Variants in WRNIP1 observed in about 807,000 individuals in gnomAD.
WRNIP1 encodes the protein WRN helicase interacting protein 1.
A neutral mutation model predicts 56.1 loss-of-function variants in WRNIP1; 41 were observed. That is an observed-to-expected ratio of 0.73 (90% CI 0.57 to 0.95). WRNIP1 has a LOEUF of 0.95. Among genes scored for constraint, WRNIP1 ranks in the 40% least tolerant of loss-of-function variants. The probability of loss-of-function intolerance (pLI) is 0.00; values close to 1 mark genes in which losing one functional copy is unlikely to be tolerated. For synonymous variants in WRNIP1, 547 were observed against 398.1 expected (o/e 1.37, Z -4.45); for missense variants, 1,170 against 939.4 (o/e 1.25, Z -3.21).
At chr6:2,784,225 C>T in intron 5 of WRNIP1, 99 bp from the exon 6 acceptor site, 1 of 1,112,618 alleles carries the variant, frequency 9.0e-7, no homozygotes, top group Non-Finnish European at 1.3e-6. Context: ...TTTTGGTCAC[C>T]AAGTGTACAA....
rs1324449594 is a variant in WRNIP1, at chr6:2,765,917, G to C, written c.295G>C (p.Gly99Arg). ...GAGCAGCGAGGGCGAGGGTGAGGAG[G>C]GCGACGACGGCGGCGAGACCGAGAG... ...AESSEGEGEE[G>R]DDGGETESRE... Residue 99 changes from glycine to arginine, a missense_variant, in exon 1 of 7, where the codon GGC becomes CGC. Transcript: ENST00000380773. 6.9e-7 allele frequency: 1 copy of C among 1,453,990 alleles called. No individual in the cohort carries two copies. The highest frequency in any genetic ancestry group is 1.5e-5 in the African/African-American group (1 of 68,074). The allele number at this position is 1,453,990 out of a possible 1,614,324, so 90.1% of individuals were successfully genotyped here. A position where few individuals can be genotyped will look rare whatever the true frequency, so the allele number is the denominator to read the frequency against.
rs373348422 is a variant in WRNIP1 at position 2,783,426 on chromosome 6, A to C, written c.1507A>C (p.Ile503Leu). The change falls in exon 5 of 7, where the codon ATC becomes CTC. Residue 503 changes from isoleucine (I) to leucine (L), a missense_variant. Transcript: ENST00000380773. ...GTCAGGTGAGGAGCATTACAACTGC[A>C]TCTCCGCCCTGCACAAGTCCATGCG... The part of the protein sequence containing the change: ...DRAGEEHYNC[I>L]SALHKSMRGS... The C allele has an allele frequency of 1.1e-5, 18 of 1,606,408 alleles. No homozygotes were observed. The highest frequency in any genetic ancestry group is 1.5e-5 in the Non-Finnish European group (18 of 1,175,496).
intron 4 of WRNIP1, among the ~76,000 whole-genome samples, chr6:2,782,249 A>G (rs1177870362): frequency 3.3e-5 from 5 of 152,232 alleles, no homozygotes; most frequent in Non-Finnish European, 7.3e-5. Flanking sequence ...GCCAGTGTCC[A>G]TAGCACTCTG....
intron 6 of WRNIP1, 91 bp downstream of exon 6, chr6:2,784,494 C>A: frequency 1.5e-6 from 2 of 1,352,466 alleles, no homozygotes; most frequent in Non-Finnish European, 2.1e-6. Context: ...CCTCCTTCAC[C>A]ATTGGTGTAT....
At chr6:2,774,285 T>G (rs2113469079) in intron 3 of WRNIP1, 1 of 985,418 alleles carries the variant, frequency 1.0e-6, no homozygotes, top group Non-Finnish European at 1.2e-6. Context: ...TTCCTGTGGC[T>G]GCTGTAACAA....
At chr6:2,784,216 T>C in intron 5 of WRNIP1, 108 bp from the exon 6 acceptor site, 4 of 972,322 alleles carry the variant, frequency 4.1e-6, no homozygotes, top group Non-Finnish European at 6.1e-6. Context: ...ATGGGATTGT[T>C]TTGGTCACCA....
intron 2 of WRNIP1, among the ~76,000 whole-genome samples, chr6:2,769,489 G>T (rs1765182600): frequency 6.6e-6 from 1 of 151,930 alleles, no homozygotes. Context: ...AAATTTTTAG[G>T]CATAACTTTA....
At chr6:2,780,195 G>A (rs759212350) in intron 4 of WRNIP1, among the ~76,000 whole-genome samples, 1 of 152,166 alleles carries the variant, frequency 6.6e-6, no homozygotes, top group Non-Finnish European at 1.5e-5. Flanking sequence ...GAGCATTTGT[G>A]GGACTTTGGA....
At position 2,783,653 on chromosome 6, in the gene WRNIP1, T is replaced by TTTTTTG; in HGVS notation, c.1642+92_1642+93insTTTTTG. 5.7e-4 allele frequency: 69 copies of TTTTTTG among 120,096 alleles called. 1 individual carries two copies. The highest frequency in any genetic ancestry group is 1.4e-3 in the South Asian group (5 of 3,482). The allele number at this position is 120,096 out of a possible 1,614,324, so 7.4% of individuals were successfully genotyped here. ...TCGTGGCTTTTTTTTTTTTTTTTTTTGCAGGGCGGGGTGGGCGGGGGTAGC... is the reference window on the plus strand; with the variant it reads ...TCGTGGCTTTTTTTTTTTTTTTTTTTTTTTTGGCAGGGCGGGGTGGGCGGGGGTAGC... On this transcript the variant is annotated intron_variant, in intron 5 of 6. Coordinates refer to ENST00000380773, the MANE Select transcript of WRNIP1 (RefSeq NM_020135.3).
rs376236681 is a variant in WRNIP1, at chr6:2,766,327, G to T, written c.705G>T (p.Thr235=). 53 of 1,610,570 alleles carry T rather than the reference G, an allele frequency of 3.3e-5. No individual in the cohort carries two copies. The highest frequency in any genetic ancestry group is 4.3e-5 in the Non-Finnish European group (51 of 1,179,056). ...TGGCCGACACGATGCGTCCTGACAC[G>T]CTGCAGGATTACTTCGGGCAGAGCA... ...KPLADTMRPD[T]LQDYFGQSKA... Residue 235 remains threonine (T), a synonymous_variant, in exon 1 of 7, where the codon ACG becomes ACT. Transcript: ENST00000380773.
At chr6:2,772,443 G>T (rs1284663769) in intron 3 of WRNIP1, among the ~76,000 whole-genome samples, 1 of 152,186 alleles carries the variant, frequency 6.6e-6, no homozygotes, top group Non-Finnish European at 1.5e-5. Flanking sequence ...CCAGCACAGT[G>T]CCTGGCACAC....
chr6:2,766,554 G>T, intron 1 of WRNIP1, 110 bp downstream of exon 1: 8 of 1,406,704 alleles, frequency 5.7e-6, no homozygotes, highest in Non-Finnish European at 7.4e-6. Context: ...TGCCTCTCCT[G>T]GATAAGGGGG....
At chr6:2,777,400 G>A (rs890395966) in intron 3 of WRNIP1, among the ~76,000 whole-genome samples, 3 of 152,168 alleles carry the variant, frequency 2.0e-5, no homozygotes, top group Non-Finnish European at 4.4e-5. Flanking sequence ...AGTTCAGTCC[G>A]TTAGGATCCA....
At chr6:2,770,720 GATAA>G (rs1196008608) in intron 3 of WRNIP1, among the ~76,000 whole-genome samples, 4 of 151,938 alleles carry the variant, frequency 2.6e-5, no homozygotes, top group African/African-American at 9.7e-5. Context: ...CAAATAGATA[GATAA>G]ATACTTTCTA....
At chr6:2,783,181 A>G (rs1250981534) in intron 4 of WRNIP1, among the ~76,000 whole-genome samples, 1 of 152,154 alleles carries the variant, frequency 6.6e-6, no homozygotes, top group Non-Finnish European at 1.5e-5. Context: ...CGACAGCCAC[A>G]GGTTTCTGCT....
intron 1 of WRNIP1, among the ~76,000 whole-genome samples, chr6:2,766,827 C>T (rs991960762): frequency 7.4e-6 from 1 of 135,044 alleles, no homozygotes; most frequent in Admixed American, 8.4e-5. Flanking sequence ...TGTAAAGAAA[C>T]ATTTGTATAT....
rs1764922203 is a variant in WRNIP1, at chr6:2,765,772, C to A, written c.150C>A (p.Pro50=). The change falls in exon 1 of 7, where the codon CCC becomes CCA. Residue 50 remains proline (P), a synonymous_variant. Transcript: ENST00000380773. ...LLLHPAGHAE[P]AAGSHRAGER... ...TCCACCCGGCGGGGCACGCGGAGCC[C>A]GCGGCCGGGTCGCACCGCGCCGGGG... 2 of 1,461,706 alleles carry A rather than the reference C, an allele frequency of 1.4e-6. No homozygotes were observed. The highest frequency in any genetic ancestry group is 2.3e-5 in the Admixed American group (1 of 43,642). 90.5% of individuals were successfully genotyped at this position (1,461,706 alleles called of 1,614,324 possible).
intron 3 of WRNIP1, chr6:2,773,018 C>T (rs1482530288): frequency 2.0e-6 from 2 of 985,284 alleles, no homozygotes; most frequent in African/African-American, 1.7e-5. Flanking sequence ...AGAGAAGTCC[C>T]AGGCTGTTGA....
chr6:2,765,512 T>C lies in WRNIP1; in HGVS notation c.-111T>C. ...CTCCGGCCCGCGAGCGTCCTGCTGG[T>C]TCCCCGAGCGAGGGTCTCGCGGCGC... On this transcript the variant is annotated 5_prime_UTR_variant, in exon 1 of 7. Coordinates refer to ENST00000380773, the MANE Select transcript of WRNIP1 (RefSeq NM_020135.3). The C allele has an allele frequency of 4.7e-6, 6 of 1,267,522 alleles. No individual in the cohort carries two copies. Among genetic ancestry groups the C allele is most frequent in the Non-Finnish European group, 6.0e-6 (6 of 1,003,682 alleles). The allele number at this position is 1,267,522 out of a possible 1,614,324, so 78.5% of individuals were successfully genotyped here. A position where few individuals can be genotyped will look rare whatever the true frequency, so the allele number is the denominator to read the frequency against.
Sources: allele counts gnomAD v4.1 joint callset (sites outside exome capture counted in the v4.1 genomes callset), GRCh38; gene constraint gnomAD v4.1.1; transcripts MANE v1.5; gene names NCBI Gene and HGNC (gene_info 2026-07-23, HGNC 2026-07-21).